SLC35D4: variants seen among roughly 807,000 people sequenced by gnomAD.
SLC35D4 encodes solute carrier family 35 member D4.
chr18:23,396,284 T>C, the SLC35D4 span, among the ~76,000 whole-genome samples: 1 of 152,178 alleles, frequency 6.6e-6, no homozygotes, highest in African/African-American at 2.4e-5. Context: ...TGCATAACAA[T>C]ACATCTACGG....
At chr18:23,290,067 G>C in the SLC35D4 span, among the ~76,000 whole-genome samples, 1 of 152,326 alleles carries the variant, frequency 6.6e-6, no homozygotes, top group East Asian at 1.9e-4. Context: ...TCCTCCATCA[G>C]AGGCCCCTGG....
chr18:23,366,338 A>G, the SLC35D4 span, among the ~76,000 whole-genome samples: 1 of 152,148 alleles, frequency 6.6e-6, no homozygotes. Flanking sequence ...ACCCCACTTG[A>G]GGGGCCCAAT....
chr18:23,251,883 C>A, the SLC35D4 span, among the ~76,000 whole-genome samples: 1 of 150,854 alleles, frequency 6.6e-6, no homozygotes, highest in Non-Finnish European at 1.5e-5. Context: ...GTCAGGAGTT[C>A]GAGACCAACC....
At chr18:23,338,888 T>C in the SLC35D4 span, among the ~76,000 whole-genome samples, 1 of 152,144 alleles carries the variant, frequency 6.6e-6, no homozygotes, top group Non-Finnish European at 1.5e-5. Flanking sequence ...AAGGAAAATC[T>C]CATGCCATAA....
chr18:23,363,564 C>G, the SLC35D4 span, among the ~76,000 whole-genome samples: 3 of 151,108 alleles, frequency 2.0e-5, no homozygotes, highest in East Asian at 5.9e-4. Flanking sequence ...TTAGTAGAGA[C>G]GGGGTTTCAC....
chr18:23,430,590 A>C, the SLC35D4 span: 1 of 1,520,554 alleles, frequency 6.6e-7, no homozygotes, highest in East Asian at 2.3e-5. Context: ...GTGGTTGGAC[A>C]TTTCCTAAAA....
At chr18:23,432,215 T>G in the SLC35D4 span, among the ~76,000 whole-genome samples, 1 of 152,232 alleles carries the variant, frequency 6.6e-6, no homozygotes, top group African/African-American at 2.4e-5. Context: ...TAGTTTACTG[T>G]GTGCTTAGCT....
chr18:23,427,354 C>G, the SLC35D4 span, among the ~76,000 whole-genome samples: 7 of 152,136 alleles, frequency 4.6e-5, no homozygotes, highest in African/African-American at 1.7e-4. Context: ...AAAAAGTGGG[C>G]AAAGGATATG....
At chr18:23,285,704 C>A in the SLC35D4 span, among the ~76,000 whole-genome samples, 1 of 152,104 alleles carries the variant, frequency 6.6e-6, no homozygotes, top group African/African-American at 2.4e-5. Context: ...CTGACCTCTC[C>A]CCTCCTCCCC....
chr18:23,358,932 G>C, the SLC35D4 span, among the ~76,000 whole-genome samples: 1 of 152,142 alleles, frequency 6.6e-6, no homozygotes, highest in Non-Finnish European at 1.5e-5. Flanking sequence ...AACAGCAAAT[G>C]TTAGTGACTG....
chr18:23,321,686 C>T, the SLC35D4 span, among the ~76,000 whole-genome samples: 3 of 152,208 alleles, frequency 2.0e-5, no homozygotes, highest in African/African-American at 7.2e-5. Flanking sequence ...AACTCCTGGG[C>T]TCAAACAACC....
the SLC35D4 span, among the ~76,000 whole-genome samples, chr18:23,412,993 C>G: frequency 6.6e-6 from 1 of 152,180 alleles, no homozygotes; most frequent in African/African-American, 2.4e-5. Flanking sequence ...CTGGGCTATA[C>G]ACAAAGGACC....
At chr18:23,268,750 G>A in the SLC35D4 span, among the ~76,000 whole-genome samples, 6 of 152,110 alleles carry the variant, frequency 3.9e-5, no homozygotes, top group Non-Finnish European at 5.9e-5. Context: ...AGTAGGAAGC[G>A]GCTGGAGGGT....
chr18:23,343,959 C>T, the SLC35D4 span, among the ~76,000 whole-genome samples: 6 of 150,062 alleles, frequency 4.0e-5, no homozygotes, highest in South Asian at 2.1e-4. Flanking sequence ...AGTGCAATGG[C>T]GCTATCTCAG....
At chr18:23,360,530 C>T in the SLC35D4 span, among the ~76,000 whole-genome samples, 1 of 152,130 alleles carries the variant, frequency 6.6e-6, no homozygotes, top group Non-Finnish European at 1.5e-5. Flanking sequence ...ACAAAAAGTA[C>T]TGATGATTCC....
chr18:23,256,253 G>T, the SLC35D4 span, among the ~76,000 whole-genome samples: 10 of 152,352 alleles, frequency 6.6e-5, no homozygotes, highest in Admixed American at 3.3e-4. Flanking sequence ...CCACCTTGGT[G>T]GTTCTCCTTC....
the SLC35D4 span, among the ~76,000 whole-genome samples, chr18:23,261,135 T>C: frequency 6.6e-6 from 1 of 152,192 alleles, no homozygotes; most frequent in Non-Finnish European, 1.5e-5. Context: ...ACAGACTTCT[T>C]GACTTCAGAT....
chr18:23,281,053 G>C, the SLC35D4 span, among the ~76,000 whole-genome samples: 6 of 152,178 alleles, frequency 3.9e-5, no homozygotes, highest in Admixed American at 3.9e-4. Context: ...ACAATCCCGT[G>C]CATATGAAAT....
At chr18:23,276,718 C>A in the SLC35D4 span, among the ~76,000 whole-genome samples, 1 of 152,244 alleles carries the variant, frequency 6.6e-6, no homozygotes, top group South Asian at 2.1e-4. Context: ...CCAGTCCCTG[C>A]CCGCCTATCC....
Sources: allele counts gnomAD v4.1 joint callset (sites outside exome capture counted in the v4.1 genomes callset), GRCh38; gene constraint gnomAD v4.1.1; transcripts MANE v1.5; gene names NCBI Gene and HGNC (gene_info 2026-07-23, HGNC 2026-07-21).